The following CTNND2 variants were observed in gnomAD, a reference collection of about 807,000 sequenced individuals.
CTNND2 encodes the protein catenin delta 2, also known as catenin delta-2.
Under a neutral mutation model 144.4 loss-of-function variants are expected in CTNND2, and 22 were observed. That is an observed-to-expected ratio of 0.15 (90% CI 0.11 to 0.22). The LOEUF (loss-of-function observed/expected upper bound fraction) is 0.22. Among genes scored for constraint, CTNND2 ranks in the 10% least tolerant of loss-of-function variants. The pLI is 1.00. For synonymous variants in CTNND2, 751 were observed against 695.6 expected (o/e 1.08, Z -1.25); for missense variants, 1,353 against 1,618.8 (o/e 0.84, Z 2.82).
intron 10 of CTNND2, among the ~76,000 whole-genome samples, chr5:11,236,431 T>C (rs1159395328): frequency 2.0e-5 from 3 of 152,216 alleles, no homozygotes; most frequent in Non-Finnish European, 4.4e-5. Context: ...AGTATGGCAT[T>C]TGACAATCCA....
intron 1 of CTNND2, among the ~76,000 whole-genome samples, chr5:11,881,431 C>T (rs1407272555): frequency 6.6e-6 from 1 of 152,020 alleles, no homozygotes; most frequent in Non-Finnish European, 1.5e-5. Context: ...AGTATCCCTC[C>T]CTCCCCACTA....
chr5:11,334,570 G>T (rs528182359), intron 9 of CTNND2, among the ~76,000 whole-genome samples: 1 of 152,174 alleles, frequency 6.6e-6, no homozygotes, highest in Admixed American at 6.5e-5. Context: ...AAGACTGGAC[G>T]CCCTCTGCCG....
intron 5 of CTNND2, among the ~76,000 whole-genome samples, chr5:11,404,130 T>G (rs1199602768): frequency 1.3e-5 from 2 of 152,228 alleles, no homozygotes; most frequent in Non-Finnish European, 2.9e-5. Context: ...GGACATGATG[T>G]TGTTACATGC....
In CTNND2 at chr5:11,714,799, C is replaced by T. The variant is rs1187946916; in HGVS notation, c.174+17337G>A. ...TGGCAGGTGCCTGTAGTCCCAGCTACTCGGGAGGCTGAAGCAGGAGAATGG... is the reference window on the plus strand; with the variant it reads ...TGGCAGGTGCCTGTAGTCCCAGCTATTCGGGAGGCTGAAGCAGGAGAATGG... On this transcript the variant is annotated intron_variant, in intron 2 of 21. Transcript: ENST00000304623. Among the ~76,000 whole-genome samples, 7 of 151,718 alleles carry T rather than the reference C, an allele frequency of 4.6e-5. No individual in the cohort carries two copies. In the East Asian group the frequency reaches 1.4e-3, roughly 30 times the overall value.
At chr5:11,252,557 T>C (rs973661138) in intron 9 of CTNND2, among the ~76,000 whole-genome samples, 1 of 152,220 alleles carries the variant, frequency 6.6e-6, no homozygotes, top group Admixed American at 6.5e-5. Flanking sequence ...TAAGAACTGC[T>C]CTTATGCCTT....
chr5:11,111,616 G>A (rs1287606856), intron 13 of CTNND2, among the ~76,000 whole-genome samples: 2 of 152,146 alleles, frequency 1.3e-5, no homozygotes, highest in Non-Finnish European at 2.9e-5. Context: ...TGTTTTCTTA[G>A]CCAAAAGGTT....
chr5:11,856,707 C>T (rs1451354907), intron 1 of CTNND2, among the ~76,000 whole-genome samples: 2 of 152,284 alleles, frequency 1.3e-5, no homozygotes, highest in South Asian at 2.1e-4. Flanking sequence ...AATACATCTC[C>T]CTTCGACATA....
At chr5:11,102,079 T>C (rs762155719) in intron 14 of CTNND2, among the ~76,000 whole-genome samples, 1 of 152,186 alleles carries the variant, frequency 6.6e-6, no homozygotes, top group Non-Finnish European at 1.5e-5. Flanking sequence ...AATGAAAATA[T>C]CCCTTCCTCC....
chr5:11,398,929 G>C (rs527662491), intron 5 of CTNND2, among the ~76,000 whole-genome samples: 1 of 152,248 alleles, frequency 6.6e-6, no homozygotes, highest in African/African-American at 2.4e-5. Context: ...TGAGGTCCAA[G>C]TGACAGGCAG....
In CTNND2 at chr5:11,623,798, ATGTGTGTATG is replaced by A. The variant is rs1167750630; in HGVS notation, c.175-58752_175-58743del. On this transcript the variant is annotated intron_variant, in intron 2 of 21. Transcript: ENST00000304623. ...AGACCTAACTATCGTAAATATATAT[ATGTGTGTATG>A]TATATATATATATATATATATATAT... 3.4e-3 allele frequency among the ~76,000 whole-genome samples: 166 copies of A among 48,200 alleles called. 2 individuals carry two copies. Among genetic ancestry groups the A allele is most frequent in the African/African-American group, 7.7e-3 (86 of 11,138 alleles). The allele number at this position is 48,200 out of a possible 152,430, so 31.6% of individuals were successfully genotyped here. A position where few individuals can be genotyped will look rare whatever the true frequency, so the allele number is the denominator to read the frequency against.
chr5:11,478,714 C>T (rs910744812), intron 3 of CTNND2, among the ~76,000 whole-genome samples: 4 of 152,152 alleles, frequency 2.6e-5, no homozygotes, highest in African/African-American at 9.7e-5. Flanking sequence ...GTGAAATTTG[C>T]CCTGGTCTTT....
At chr5:11,862,826 C>A (rs1209431671) in intron 1 of CTNND2, among the ~76,000 whole-genome samples, 1 of 152,040 alleles carries the variant, frequency 6.6e-6, no homozygotes, top group Non-Finnish European at 1.5e-5. Flanking sequence ...GCTGTCAGTG[C>A]ACAGAAGATG....
chr5:10,980,665 T>C (rs1289706727), intron 21 of CTNND2, among the ~76,000 whole-genome samples: 1 of 152,196 alleles, frequency 6.6e-6, no homozygotes, highest in African/African-American at 2.4e-5. Context: ...CCATCAATGA[T>C]AGACTGGATA....
At position 10,973,589 on chromosome 5, in the gene CTNND2, G is replaced by A. The variant is rs1292653848; in HGVS notation, c.3542C>T (p.Pro1181Leu). Residue 1181 changes from proline to leucine, a missense_variant, in exon 22 of 22, where the codon CCC (proline) becomes CTC (leucine). Pro to Leu is a moderately conservative substitution (Grantham distance 98). This residue lies in a region of CTNND2 where 459 missense variants were observed against 674.3 expected (regional missense o/e 0.68). Transcript: ENST00000304623. The surrounding 1 kb of genome is among the most constrained non-coding windows in gnomAD (Gnocchi z 5.6). ...FFEDQVHHRP[P>L]ASEYTMHLGL... ...CAGGTGCATGGTGTACTCGCTGGCG[G>A]GAGGGCGATGGTGGACCTGGTCCTC... 1 of 1,614,086 alleles carries A rather than the reference G, an allele frequency of 6.2e-7. No homozygotes were observed. The highest frequency in any genetic ancestry group is 8.5e-7 in the Non-Finnish European group (1 of 1,180,054).
rs187699140 is a variant in CTNND2, at chr5:11,803,189, G to A, written c.38-70917C>T. On this transcript the variant is annotated intron_variant, in intron 1 of 21. Coordinates refer to ENST00000304623, the MANE Select transcript of CTNND2 (RefSeq NM_001332.4). The stretch of plus-strand genomic sequence containing the variant: ...ACAAAAATTAGCTGGGCATGGTGGC[G>A]CGTGCCTGTAATCCCAGCTACTCAG... Among the ~76,000 whole-genome samples, 60 of 151,980 alleles carry A rather than the reference G, an allele frequency of 3.9e-4. No individual in the cohort carries two copies. In the East Asian group the frequency reaches 8.0e-3, roughly 20 times the overall value.
At chr5:11,121,262 A>G (rs1448700229) in intron 12 of CTNND2, among the ~76,000 whole-genome samples, 1 of 152,214 alleles carries the variant, frequency 6.6e-6, no homozygotes, top group Non-Finnish European at 1.5e-5. Flanking sequence ...AGTTGTAATC[A>G]TGGTCCTTAG....
At chr5:11,702,857 C>T (rs557719051) in intron 2 of CTNND2, among the ~76,000 whole-genome samples, 1 of 152,338 alleles carries the variant, frequency 6.6e-6, no homozygotes, top group South Asian at 2.1e-4. Flanking sequence ...CCAACCCTGA[C>T]ATCCTGGACC....
chr5:11,444,337 T>C (rs190278766), intron 3 of CTNND2, among the ~76,000 whole-genome samples: 83 of 152,300 alleles, frequency 5.4e-4, no homozygotes, highest in African/African-American at 2.0e-3. Flanking sequence ...AGCTCCACAA[T>C]TGCAGGCTTC....
chr5:11,663,903 T>C (rs904262582), intron 2 of CTNND2, among the ~76,000 whole-genome samples: 1 of 152,186 alleles, frequency 6.6e-6, no homozygotes, highest in Non-Finnish European at 1.5e-5. Flanking sequence ...GAAATTAAAT[T>C]TAATGATACT....
Sources: allele counts gnomAD v4.1 joint callset (sites outside exome capture counted in the v4.1 genomes callset), GRCh38; gene constraint gnomAD v4.1.1; regional missense constraint gnomAD v4.1.1; non-coding constraint Gnocchi (gnomAD v3.1); transcripts MANE v1.5; gene names NCBI Gene and HGNC (gene_info 2026-07-23, HGNC 2026-07-21).